ASAP1: variants seen among roughly 807,000 people sequenced by gnomAD.
ASAP1 encodes the protein ArfGAP with SH3 domain, ankyrin repeat and PH domain 1.
In ASAP1, 43 loss-of-function variants were observed where a neutral mutation model predicts 145.2. The ratio of observed to expected loss-of-function variants is 0.30; its 90% CI spans 0.23 to 0.38. The LOEUF is 0.38. Among genes scored for constraint, ASAP1 ranks in the 10% least tolerant of loss-of-function variants. The pLI is 1.00. For synonymous variants in ASAP1, 546 were observed against 515.5 expected, an observed-to-expected ratio of 1.06 and a Z score of -0.80; for missense variants, 1,018 against 1,355.3, an observed-to-expected ratio of 0.75 and a Z score of 3.91.
At chr8:130,387,454 T>C (rs1305833248) in intron 2 of ASAP1, among the ~76,000 whole-genome samples, 1 of 151,624 alleles carries the variant, frequency 6.6e-6, no homozygotes, top group African/African-American at 2.4e-5. Flanking sequence ...GAGAATCACT[T>C]GGACCCAGGA....
chr8:130,231,329 C>CT (rs1817897137), intron 4 of ASAP1, among the ~76,000 whole-genome samples: 1 of 152,148 alleles, frequency 6.6e-6, no homozygotes, highest in Non-Finnish European at 1.5e-5. Flanking sequence ...AACAATTTAG[C>CT]TGTGTTTTGA....
At chr8:130,199,204 C>G (rs912699029) in intron 5 of ASAP1, among the ~76,000 whole-genome samples, 1 of 152,234 alleles carries the variant, frequency 6.6e-6, no homozygotes, top group African/African-American at 2.4e-5. Context: ...AGCAAAGCTT[C>G]TTGGAGGCAG....
chr8:130,291,003 G>A (rs1821911902), intron 3 of ASAP1, among the ~76,000 whole-genome samples: 1 of 152,200 alleles, frequency 6.6e-6, no homozygotes, highest in South Asian at 2.1e-4. Context: ...TACAGGCTAA[G>A]GAACAGAAAA....
chr8:130,309,673 T>C (rs1823213398), intron 3 of ASAP1, among the ~76,000 whole-genome samples: 1 of 152,118 alleles, frequency 6.6e-6, no homozygotes, highest in African/African-American at 2.4e-5. Context: ...AGTTCTGATA[T>C]TGAGATGCAT....
intron 2 of ASAP1, among the ~76,000 whole-genome samples, chr8:130,364,253 G>C (rs1050828508): frequency 6.6e-6 from 1 of 152,212 alleles, no homozygotes; most frequent in Admixed American, 6.5e-5. Flanking sequence ...GAACCTAGAA[G>C]AAATGTAGCA....
intron 13 of ASAP1, among the ~76,000 whole-genome samples, chr8:130,148,103 C>T (rs2097636993): frequency 6.6e-6 from 1 of 152,222 alleles, no homozygotes; most frequent in South Asian, 2.1e-4. Flanking sequence ...GCCCTCTCTA[C>T]CCTAAGACCC....
intron 5 of ASAP1, among the ~76,000 whole-genome samples, chr8:130,203,683 AAAGAAGTGG>A (rs1204888216): frequency 1.3e-5 from 2 of 152,226 alleles, no homozygotes; most frequent in Non-Finnish European, 2.9e-5. Context: ...TGTGGAGTGG[AAAGAAGTGG>A]AAGAAGTGAA....
At chr8:130,089,599 G>A (rs891105733) in intron 25 of ASAP1, among the ~76,000 whole-genome samples, 2 of 152,212 alleles carry the variant, frequency 1.3e-5, no homozygotes, top group Non-Finnish European at 2.9e-5. Context: ...TCTGGGCCCT[G>A]CCTTTGGCTT....
intron 15 of ASAP1, among the ~76,000 whole-genome samples, chr8:130,132,595 G>A (rs1377787161): frequency 6.6e-6 from 1 of 152,098 alleles, no homozygotes; most frequent in East Asian, 1.9e-4. Flanking sequence ...TATTCCTCCA[G>A]CACATGGCCT....
chr8:130,300,184 A>AGAGAGAGAGAGAGCGAGC (rs761456724), intron 3 of ASAP1, among the ~76,000 whole-genome samples: 2 of 140,288 alleles, frequency 1.4e-5, no homozygotes, highest in African/African-American at 5.6e-5. Context: ...AGAGAGAGAG[A>AGAGAGAGAGAGAGCGAGC]GAGCGAGCGA....
intron 17 of ASAP1, 49 bp downstream of exon 17, chr8:130,125,907 T>C: frequency 6.5e-7 from 1 of 1,544,344 alleles, no homozygotes; most frequent in Non-Finnish European, 8.7e-7. Context: ...TATATTAAAA[T>C]TACTCATGAC....
At chr8:130,074,557 G>GCCTGC (rs1005197113) in intron 27 of ASAP1, among the ~76,000 whole-genome samples, 1 of 151,988 alleles carries the variant, frequency 6.6e-6, no homozygotes, top group Non-Finnish European at 1.5e-5. Context: ...TTGACAGTAG[G>GCCTGC]CCTGCCCTGA....
chr8:130,329,585 C>T (rs1215288174), intron 3 of ASAP1, among the ~76,000 whole-genome samples: 2 of 152,164 alleles, frequency 1.3e-5, no homozygotes, highest in Admixed American at 6.5e-5. Flanking sequence ...TACTGCTCTC[C>T]TCCAGAGCTC....
intron 13 of ASAP1, 22 bp from the exon 14 acceptor site, chr8:130,137,060 A>G (rs2097596544): frequency 1.2e-6 from 2 of 1,600,400 alleles, no homozygotes; most frequent in Non-Finnish European, 1.7e-6. Flanking sequence ...GAGAAAATGG[A>G]GAAGTTACAT....
intron 13 of ASAP1, among the ~76,000 whole-genome samples, chr8:130,152,259 T>C (rs1323833728): frequency 6.6e-6 from 1 of 152,206 alleles, no homozygotes; most frequent in Non-Finnish European, 1.5e-5. Context: ...GCCATTTCCA[T>C]TCCTGCTTGG....
intron 27 of ASAP1, among the ~76,000 whole-genome samples, chr8:130,064,065 C>T (rs2097425004): frequency 6.6e-6 from 1 of 152,168 alleles, no homozygotes; most frequent in South Asian, 2.1e-4. Flanking sequence ...GGCTTGGACA[C>T]CAGCCATGCT....
intron 1 of ASAP1, among the ~76,000 whole-genome samples, chr8:130,439,213 A>G (rs1355797782): frequency 1.3e-5 from 2 of 152,164 alleles, no homozygotes; most frequent in African/African-American, 2.4e-5. Flanking sequence ...CAAGATATGC[A>G]AGTGGCCTCC....
chr8:130,165,645 C>G (rs76728646), intron 11 of ASAP1, among the ~76,000 whole-genome samples: 4,725 of 152,302 alleles, frequency 0.031, 109 homozygotes, highest in Non-Finnish European at 0.045. Context: ...GATGCAGAAA[C>G]TGCCTTAGTG....
intron 3 of ASAP1, among the ~76,000 whole-genome samples, chr8:130,342,516 C>G (rs1351610766): frequency 1.3e-5 from 2 of 152,026 alleles, no homozygotes; most frequent in African/African-American, 4.8e-5. Flanking sequence ...TGCTATTTGG[C>G]CCCCTAGGGA....
Sources: gnomAD v4.1 joint callset for allele counts (sites outside exome capture counted in the v4.1 genomes callset) on GRCh38, gnomAD v4.1.1 for gene constraint, MANE v1.5 for transcripts, NCBI Gene and HGNC (gene_info 2026-07-23, HGNC 2026-07-21) for gene names.